PANK2: variants seen among roughly 807,000 people sequenced by gnomAD.
PANK2 encodes the protein pantothenate kinase 2, also known as pantothenate kinase 2, mitochondrial.
A neutral mutation model predicts 43.1 loss-of-function variants in PANK2; 36 were observed. That is an observed-to-expected ratio of 0.84 (90% CI 0.64 to 1.10). PANK2 has a LOEUF of 1.10. PANK2 is among the 50% of genes least tolerant of loss of function. The pLI, the probability that PANK2 is intolerant of heterozygous loss-of-function variation, is 0.00. For synonymous variants in PANK2, 281 were observed against 238.2 expected, an observed-to-expected ratio of 1.18 and a Z score of -1.66; for missense variants, 576 against 593.3, an observed-to-expected ratio of 0.97 and a Z score of 0.30.
At chr20:3,903,049 C>T (rs926444390) in intron 1 of PANK2, among the ~76,000 whole-genome samples, 2 of 149,926 alleles carry the variant, frequency 1.3e-5, no homozygotes, top group Non-Finnish European at 2.9e-5. Flanking sequence ...AGTTGGGTTA[C>T]CAGAGTTTTT....
rs763496520 is a variant in PANK2 at position 3,912,577 on chromosome 20, A to T, written c.1025A>T (p.Asp342Val). 6.2e-7 allele frequency: 1 copy of T among 1,613,952 alleles called. No homozygotes were observed. The highest frequency in any genetic ancestry group is 8.5e-7 in the Non-Finnish European group (1 of 1,180,034). Residue 342 changes from aspartate (D) to valine (V), a missense_variant, in exon 4 of 7, where the codon GAT becomes GTT. Transcript: ENST00000610179. ...ACCAAAGTGGATAAACTAGTACGAG[A>T]TATTTATGGAGGGGACTATGAGAGG...
In PANK2 at chr20:3,889,556, C is replaced by T. The variant is rs1168391483; in HGVS notation, c.126C>T (p.Ala42=). ...TCTCGTCGGCTGGGGAGCAGGCGGC[C>T]GGGGACCCCGAAGGGCGGCGGCAGG... is the stretch of plus-strand genomic sequence containing the variant. Residue 42 remains alanine, a synonymous_variant, in exon 1 of 7, where the codon GCC becomes GCT. Transcript: ENST00000610179. 7.0e-7 allele frequency: 1 copy of T among 1,429,252 alleles called. No homozygotes were observed. The highest frequency in any genetic ancestry group is 1.5e-5 in the South Asian group (1 of 67,764). The allele number at this position is 1,429,252 out of a possible 1,614,324, so 88.5% of individuals were successfully genotyped here.
chr20:3,925,624 G>A lies in PANK2; in HGVS notation c.*2330G>A, dbSNP rs1205090964. 6.6e-6 allele frequency: 1 copy of A among 152,250 alleles called. No homozygotes were observed. The highest frequency in any genetic ancestry group is 2.4e-5 in the African/African-American group (1 of 41,434). The allele number at this position is 152,250 out of a possible 1,614,324, so 9.4% of individuals were successfully genotyped here. A position where few individuals can be genotyped will look rare whatever the true frequency, so the allele number is the denominator to read the frequency against. On this transcript the variant is annotated 3_prime_UTR_variant, in exon 7 of 7. Transcript: ENST00000610179. ...GCCTCATCTCAGTTCTCACTCAGCA[G>A]AGCCCTCTTGCCTGTCCTGCCACCC...
In PANK2 at chr20:3,907,966, C is replaced by A; in HGVS notation, c.339C>A (p.Val113=). ...GACTGGATATCGGTGGAACTCTGGT[C>A]AAGCTGGTATATTTTGAACCCAAAG... The change falls in exon 2 of 7, where the codon GTC becomes GTA. Residue 113 remains valine, a synonymous_variant. Coordinates refer to ENST00000610179, the MANE Select transcript of PANK2 (RefSeq NM_001386393.1). 2 of 1,614,094 alleles carry A rather than the reference C, an allele frequency of 1.2e-6. No homozygotes were observed. The highest frequency in any genetic ancestry group is 2.2e-5 in the South Asian group (2 of 91,048).
intron 6 of PANK2, chr20:3,921,200 CT>C (rs1038703752): frequency 2.0e-5 from 3 of 146,888 alleles, no homozygotes; most frequent in Admixed American, 6.8e-5. Context: ...TCCCTCCCCC[CT>C]CCCCCCACCC....
In PANK2 at chr20:3,889,434, G is replaced by A. The variant is rs575187605; in HGVS notation, c.4G>A (p.Gly2Arg). ...GGAGGCGAGAAGGAATCCGACGCTG[G>A]GGGGCTTGCTCGGGCGGCAGCGACT... The change falls in exon 1 of 7, where the codon GGG (glycine) becomes AGG (arginine). Residue 2 changes from glycine to arginine, a missense_variant. Around this residue, in one of 2 missense-constraint regions of PANK2, gnomAD observed 544 missense variants for 528.9 expected, o/e 1.03. Coordinates refer to ENST00000610179, the MANE Select transcript of PANK2 (RefSeq NM_001386393.1). The A allele has an allele frequency of 6.4e-7, 1 of 1,562,272 alleles. No homozygotes were observed. The highest frequency in any genetic ancestry group is 8.6e-7 in the Non-Finnish European group (1 of 1,159,116).
chr20:3,889,627 G>C lies in PANK2; in HGVS notation c.197G>C (p.Gly66Ala). ...AGCAGCGCGTCGGTGCCCGCGGTCG[G>C]GGCCTCGGCTGAGGGCACGAGGCGG... Residue 66 changes from glycine (G) to alanine (A), a missense_variant, in exon 1 of 7, where the codon GGG becomes GCG. Coordinates refer to ENST00000610179, the MANE Select transcript of PANK2 (RefSeq NM_001386393.1). 6.4e-7 allele frequency: 1 copy of C among 1,560,622 alleles called. No homozygotes were observed. Among genetic ancestry groups the C allele is most frequent in the Non-Finnish European group, 8.6e-7 (1 of 1,162,286 alleles).
intron 1 of PANK2, 135 bp from the exon 2 acceptor site, chr20:3,907,791 C>A: frequency 2.8e-6 from 2 of 724,498 alleles, no homozygotes; most frequent in Non-Finnish European, 4.6e-6. Flanking sequence ...AATCACATTT[C>A]TTTGCCCCAA....
chr20:3,918,522 G>C, intron 5 of PANK2, 149 bp from the exon 6 acceptor site: 1 of 1,049,908 alleles, frequency 9.5e-7, no homozygotes, highest in Non-Finnish European at 1.5e-6. Context: ...TGGGGATCAA[G>C]TTTAAGTAGC....
chr20:3,929,266 T>C lies in PANK2; in HGVS notation c.*5972T>C, dbSNP rs988956649. On this transcript the variant is annotated 3_prime_UTR_variant, in exon 7 of 7. Coordinates refer to ENST00000610179, the MANE Select transcript of PANK2 (RefSeq NM_001386393.1). ...AATAATTACGAAAATTAGCCAGGTG[T>C]GCTGGTGTGCACCTGTAGACGCAGC... The C allele has an allele frequency of 6.6e-6, 1 of 152,304 alleles. No homozygotes were observed. Among genetic ancestry groups the C allele is most frequent in the Non-Finnish European group, 1.5e-5 (1 of 68,114 alleles). The allele number at this position is 152,304 out of a possible 1,614,324, so 9.4% of individuals were successfully genotyped here. A position where few individuals can be genotyped will look rare whatever the true frequency, so the allele number is the denominator to read the frequency against.
chr20:3,889,044 T>TGCA, upstream of PANK2: 1 of 1,400,402 alleles, frequency 7.1e-7, no homozygotes, highest in Non-Finnish European at 9.5e-7. Flanking sequence ...CCCAGGAGAG[T>TGCA]TCCGCGGCCC....
At chr20:3,905,243 C>T (rs1406181221) in intron 1 of PANK2, among the ~76,000 whole-genome samples, 3 of 152,056 alleles carry the variant, frequency 2.0e-5, no homozygotes, top group African/African-American at 2.4e-5. Flanking sequence ...AATACCCCTA[C>T]GTTCTCTCTC....
At chr20:3,900,605 G>C (rs2090285666) in intron 1 of PANK2, among the ~76,000 whole-genome samples, 1 of 151,732 alleles carries the variant, frequency 6.6e-6, no homozygotes, top group Admixed American at 6.6e-5. Flanking sequence ...GTATAATCTT[G>C]TTTGAGGTAT....
At position 3,928,104 on chromosome 20, in the gene PANK2, T is replaced by C. The variant is rs909489888; in HGVS notation, c.*4810T>C. The C allele has an allele frequency of 2.0e-5, 3 of 152,196 alleles. No individual in the cohort carries two copies. Among genetic ancestry groups the C allele is most frequent in the African/African-American group, 7.2e-5 (3 of 41,440 alleles). The allele number at this position is 152,196 out of a possible 1,614,324, so 9.4% of individuals were successfully genotyped here. The stretch of plus-strand genomic sequence containing the variant: ...ACCGTGAACCAGCATTTTCCAGTTA[T>C]CAACTGGATATTTAGGCATGAATCT... On this transcript the variant is annotated 3_prime_UTR_variant, in exon 7 of 7. Transcript: ENST00000610179.
intron 1 of PANK2, among the ~76,000 whole-genome samples, chr20:3,903,205 T>C (rs1418672358): frequency 6.6e-6 from 1 of 150,860 alleles, no homozygotes; most frequent in African/African-American, 2.4e-5. Context: ...AGTACAGTGG[T>C]GCAATCTTGG....
At position 3,929,300 on chromosome 20, in the gene PANK2, GA is replaced by G. The variant is rs1352470875; in HGVS notation, c.*6007del. On this transcript the variant is annotated 3_prime_UTR_variant, in exon 7 of 7. Coordinates refer to ENST00000610179, the MANE Select transcript of PANK2 (RefSeq NM_001386393.1). ...GCACCTGTAGACGCAGCTACAGACT[GA>G]GGCGGGAGGATCACTTGAGTCCAGG... 3 of 152,288 alleles carry G rather than the reference GA, an allele frequency of 2.0e-5. No individual in the cohort carries two copies. The highest frequency in any genetic ancestry group is 7.2e-5 in the African/African-American group (3 of 41,464). The allele number at this position is 152,288 out of a possible 1,614,324, so 9.4% of individuals were successfully genotyped here.
At chr20:3,917,393 G>T (rs2090579045) in intron 5 of PANK2, 1 of 531,668 alleles carries the variant, frequency 1.9e-6, no homozygotes, top group African/African-American at 1.9e-5. Context: ...AGCTCTAGAG[G>T]CCCTAGGGAG....
At chr20:3,889,799 C>A in intron 1 of PANK2, 71 bp downstream of exon 1, 1 of 1,546,178 alleles carries the variant, frequency 6.5e-7, no homozygotes, top group Non-Finnish European at 8.7e-7. Context: ...CCCCTTCCGG[C>A]CCCGCCGCCG....
At chr20:3,914,019 G>A (rs1404133525) in intron 4 of PANK2, among the ~76,000 whole-genome samples, 2 of 151,118 alleles carry the variant, frequency 1.3e-5, no homozygotes, top group African/African-American at 4.9e-5. Context: ...TCGATCTGCT[G>A]ACCTCATGAT....
Sources: gnomAD v4.1 joint callset for allele counts (sites outside exome capture counted in the v4.1 genomes callset) on GRCh38, gnomAD v4.1.1 for gene constraint, gnomAD v4.1.1 regional missense constraint, MANE v1.5 for transcripts, NCBI Gene and HGNC (gene_info 2026-07-23, HGNC 2026-07-21) for gene names.